Variants in ABL2 observed in about 807,000 individuals in gnomAD.
The protein encoded by ABL2 is tyrosine-protein kinase ABL2.
A neutral mutation model predicts 107.7 loss-of-function variants in ABL2; 49 were observed. The ratio of observed to expected loss-of-function variants is 0.45; its 90% CI spans 0.36 to 0.58. The LOEUF is 0.58. Among genes scored for constraint, ABL2 ranks in the 20% least tolerant of loss-of-function variants. The pLI, the probability that ABL2 is intolerant of heterozygous loss-of-function variation, is 0.00. For missense variants in ABL2, 1,245 were observed against 1,457.0 expected (o/e 0.85, Z 2.37); for synonymous variants, 549 against 548.6 (o/e 1.00, Z -0.01).
intron 1 of ABL2, among the ~76,000 whole-genome samples, chr1:179,139,969 T>C (rs911482184): frequency 1.3e-5 from 2 of 152,178 alleles, no homozygotes; most frequent in African/African-American, 4.8e-5. Flanking sequence ...GCCAAAAAGG[T>C]TGGGACCACT....
At chr1:179,123,403 G>T (rs1049356694) in intron 4 of ABL2, among the ~76,000 whole-genome samples, 2 of 152,074 alleles carry the variant, frequency 1.3e-5, no homozygotes, top group Non-Finnish European at 2.9e-5. Flanking sequence ...TACTTGGGAG[G>T]CTGAGGTGGG....
rs1557898769 is a variant in ABL2 at position 179,104,171 on chromosome 1, T to G, written c.*3547A>C. 1 of 231,606 alleles carries G rather than the reference T, an allele frequency of 4.3e-6. No individual in the cohort carries two copies. The allele number at this position is 231,606 out of a possible 1,614,324, so 14.3% of individuals were successfully genotyped here. A position where few individuals can be genotyped will look rare whatever the true frequency, so the allele number is the denominator to read the frequency against. On this transcript the variant is annotated 3_prime_UTR_variant, in exon 12 of 12. Transcript: ENST00000502732. ...TTGTGTGCCAGGCACTTGAGCTAAG[T>G]ATCTTACAAATATCATCTCATTTAA... is the stretch of plus-strand genomic sequence containing the variant.
At chr1:179,183,935 T>G (rs774367724) in intron 1 of ABL2, 1 of 266,934 alleles carries the variant, frequency 3.7e-6, no homozygotes, top group Non-Finnish European at 7.2e-6. Flanking sequence ...TCAGCCTCTC[T>G]AGACTTGCCG....
At chr1:179,175,495 A>T (rs1659988748) in intron 1 of ABL2, among the ~76,000 whole-genome samples, 1 of 152,190 alleles carries the variant, frequency 6.6e-6, no homozygotes, top group African/African-American at 2.4e-5. Flanking sequence ...CACAATAATA[A>T]AAGCTTAGTT....
chr1:179,112,990 G>A (rs1654241576), intron 9 of ABL2, among the ~76,000 whole-genome samples: 1 of 152,128 alleles, frequency 6.6e-6, no homozygotes, highest in African/African-American at 2.4e-5. Flanking sequence ...CTGACCTCAG[G>A]TGATCCACCC....
At chr1:179,127,513 G>A (rs1655844541) in intron 3 of ABL2, among the ~76,000 whole-genome samples, 1 of 152,148 alleles carries the variant, frequency 6.6e-6, no homozygotes, top group African/African-American at 2.4e-5. Context: ...TGAACATCAA[G>A]TTCAGACTTC....
At chr1:179,147,582 G>C (rs1327779012) in intron 1 of ABL2, among the ~76,000 whole-genome samples, 1 of 152,210 alleles carries the variant, frequency 6.6e-6, no homozygotes, top group Non-Finnish European at 1.5e-5. Flanking sequence ...GTTGGAACTG[G>C]AGGTCGTTAT....
chr1:179,188,898 G>C (rs1660839611), intron 1 of ABL2, among the ~76,000 whole-genome samples: 1 of 152,200 alleles, frequency 6.6e-6, no homozygotes, highest in South Asian at 2.1e-4. Context: ...ATTGCCTCTA[G>C]AGAAGAGGCT....
At chr1:179,132,319 T>C (rs892022946) in intron 2 of ABL2, among the ~76,000 whole-genome samples, 32 of 152,176 alleles carry the variant, frequency 2.1e-4, no homozygotes, top group African/African-American at 7.2e-4. Flanking sequence ...AATTTATTCA[T>C]AGTACATAGC....
intron 3 of ABL2, among the ~76,000 whole-genome samples, chr1:179,129,743 T>C (rs1437211507): frequency 6.6e-6 from 1 of 151,362 alleles, no homozygotes; most frequent in Non-Finnish European, 1.5e-5. Context: ...TTACGTAAAA[T>C]GTTCCTACAA....
chr1:179,184,420 A>C lies in ABL2; in HGVS notation c.157+44821T>G, dbSNP rs895085582. The C allele has an allele frequency of 8.1e-6, 8 of 982,670 alleles. No individual in the cohort carries two copies. In the African/African-American group the frequency reaches 1.3e-4, roughly 16 times the overall value. The allele number at this position is 982,670 out of a possible 1,614,324, so 60.9% of individuals were successfully genotyped here. Reference sequence around the variant, plus strand: ...AATAAAGCCAGCAGGAAGAGGCAGCATGAGGCACCAGAGAGCTTCTTTATC... The same window carrying C: ...AATAAAGCCAGCAGGAAGAGGCAGCCTGAGGCACCAGAGAGCTTCTTTATC... On this transcript the variant is annotated intron_variant, in intron 1 of 11. Coordinates refer to ENST00000502732, the MANE Select transcript of ABL2 (RefSeq NM_007314.4).
chr1:179,143,371 A>G (rs1218298324), intron 1 of ABL2, among the ~76,000 whole-genome samples: 4 of 152,238 alleles, frequency 2.6e-5, no homozygotes, highest in African/African-American at 9.6e-5. Flanking sequence ...AGAAGTTAAT[A>G]TATCTCTATT....
At chr1:179,187,582 T>G (rs1278109681) in intron 1 of ABL2, among the ~76,000 whole-genome samples, 1 of 152,240 alleles carries the variant, frequency 6.6e-6, no homozygotes, top group Non-Finnish European at 1.5e-5. Context: ...AATTTTACCA[T>G]ATTTCTTGAA....
At chr1:179,224,679 C>T (rs1312779403) in intron 1 of ABL2, among the ~76,000 whole-genome samples, 1 of 151,834 alleles carries the variant, frequency 6.6e-6, no homozygotes, top group African/African-American at 2.4e-5. Context: ...AGTATTCAAC[C>T]CTAGATTATT....
rs1376766680 is a variant in ABL2, at chr1:179,105,918, T to G, written c.*1800A>C. The G allele has an allele frequency of 4.5e-6, 1 of 223,428 alleles. No individual in the cohort carries two copies. Among genetic ancestry groups the G allele is most frequent in the Non-Finnish European group, 8.9e-6 (1 of 112,022 alleles). 13.8% of individuals were successfully genotyped at this position (223,428 alleles called of 1,614,324 possible). ...CATAACAACACTGCACTAAAAGAGC[T>G]TTCCAGAGAGGCTCTCCAAGGGATA... On this transcript the variant is annotated 3_prime_UTR_variant, in exon 12 of 12. Transcript: ENST00000502732.
chr1:179,201,716 T>A, intron 1 of ABL2: 1 of 685,436 alleles, frequency 1.5e-6, no homozygotes. Context: ...GAGGCATTGA[T>A]ATGCAGCAAG....
chr1:179,216,177 C>A (rs971069149), intron 1 of ABL2, among the ~76,000 whole-genome samples: 1 of 152,146 alleles, frequency 6.6e-6, no homozygotes, highest in African/African-American at 2.4e-5. Flanking sequence ...ACGGCAGAAT[C>A]AGCACATTTA....
Position 179,121,863 on chromosome 1 carries a change from T to C in ABL2, c.692A>G (p.Tyr231Cys), listed in dbSNP as rs1228779200. ...RINTTADGKV[Y>C]VTAESRFSTL... ...GCTGAAGCGGCTCTCAGCAGTCACA[T>C]ACACCTGGTAAGAAAAGGAGAAAAG... Residue 231 changes from tyrosine to cysteine, a missense_variant, in exon 5 of 12, where the codon TAT (tyrosine) becomes TGT (cysteine). Tyr to Cys is a radical substitution (Grantham distance 194). Coordinates refer to ENST00000502732, the MANE Select transcript of ABL2 (RefSeq NM_007314.4). The C allele has an allele frequency of 1.2e-5, 19 of 1,578,136 alleles. No homozygotes were observed. The highest frequency in any genetic ancestry group is 1.7e-4 in the Middle Eastern group (1 of 5,726).
chr1:179,192,779 A>C (rs1233833014), intron 1 of ABL2, among the ~76,000 whole-genome samples: 1 of 152,222 alleles, frequency 6.6e-6, no homozygotes, highest in African/African-American at 2.4e-5. Context: ...TATGTTCTGA[A>C]ACATTAAGTC....
Sources: allele counts gnomAD v4.1 joint callset (sites outside exome capture counted in the v4.1 genomes callset), GRCh38; gene constraint gnomAD v4.1.1; transcripts MANE v1.5; gene names NCBI Gene and HGNC (gene_info 2026-07-23, HGNC 2026-07-21).